CHL1: variants seen among roughly 807,000 people sequenced by gnomAD.
CHL1 encodes neural cell adhesion molecule L1-like protein.
In CHL1, 96 loss-of-function variants were observed where a neutral mutation model predicts 141.9. The observed-to-expected ratio is 0.68, with a 90% CI of 0.57 to 0.80. The LOEUF (loss-of-function observed/expected upper bound fraction) is 0.80, where lower values mean the gene tolerates loss of function less well. Among genes scored for constraint, CHL1 ranks in the 30% least tolerant of loss-of-function variants. The pLI is 0.00. For missense variants in CHL1, 1,820 were observed against 1,457.2 expected, an observed-to-expected ratio of 1.25 and a Z score of -4.05; for synonymous variants, 613 against 502.2, an observed-to-expected ratio of 1.22 and a Z score of -2.95.
At chr3:256,466 G>C (rs1472040781) in intron 2 of CHL1, among the ~76,000 whole-genome samples, 1 of 152,092 alleles carries the variant, frequency 6.6e-6, no homozygotes, top group Non-Finnish European at 1.5e-5. Flanking sequence ...TTAGAGTAGT[G>C]GTTTTCAACC....
chr3:323,894 A>T (rs1700797520), intron 3 of CHL1, among the ~76,000 whole-genome samples: 1 of 152,130 alleles, frequency 6.6e-6, no homozygotes, highest in African/African-American at 2.4e-5. Context: ...AATTACAGAG[A>T]TTTGCAATCA....
intron 10 of CHL1, among the ~76,000 whole-genome samples, chr3:350,644 C>T (rs1002468972): frequency 3.3e-5 from 5 of 151,756 alleles, no homozygotes; most frequent in African/African-American, 1.2e-4. Flanking sequence ...ATTCTCCTCC[C>T]AAGTAAATGT....
chr3:329,780 C>A (rs1448150556), intron 5 of CHL1, among the ~76,000 whole-genome samples: 4 of 151,940 alleles, frequency 2.6e-5, no homozygotes, highest in Admixed American at 2.6e-4. Context: ...CAGACAAATG[C>A]TTTCCAAATG....
intron 16 of CHL1, among the ~76,000 whole-genome samples, chr3:381,328 G>C (rs1016424580): frequency 6.6e-6 from 1 of 152,068 alleles, no homozygotes; most frequent in African/African-American, 2.4e-5. Flanking sequence ...AACCAAACTG[G>C]GGTCCACCAA....
At chr3:355,598 C>T (rs1703641645) in intron 11 of CHL1, among the ~76,000 whole-genome samples, 1 of 152,158 alleles carries the variant, frequency 6.6e-6, no homozygotes. Flanking sequence ...TGTCCTTTTG[C>T]TCTGGGGCCT....
chr3:338,036 TG>T (rs1398544776), intron 5 of CHL1, among the ~76,000 whole-genome samples: 2 of 152,154 alleles, frequency 1.3e-5, no homozygotes, highest in South Asian at 2.1e-4. Flanking sequence ...CACCTTTTTT[TG>T]GCATTTTTAG....
At chr3:276,911 A>G (rs1000082065) in intron 2 of CHL1, among the ~76,000 whole-genome samples, 5 of 150,460 alleles carry the variant, frequency 3.3e-5, no homozygotes, top group African/African-American at 1.2e-4. Context: ...AAAAAAAAAA[A>G]AAAAAGAGTA....
rs11918279 is a variant in CHL1, at chr3:286,958, G to A, written c.-94-32725G>A. On this transcript the variant is annotated intron_variant, in intron 2 of 27. Transcript: ENST00000256509. ...TTTCATTACCATTTTGGTTTTGGTG[G>A]GATTTGGCCAGCTTCTTCACCGCCA... 6.1e-3 allele frequency among the ~76,000 whole-genome samples: 928 copies of A among 152,136 alleles called. 19 individuals are homozygous for A. Among genetic ancestry groups the A allele is most frequent in the African/African-American group, 0.021 (860 of 41,492 alleles).
rs562824756 is a variant in CHL1, at chr3:345,963, C to T, written c.848+1254C>T. 7.9e-5 allele frequency among the ~76,000 whole-genome samples: 12 copies of T among 152,272 alleles called. No homozygotes were observed. The East Asian group carries it at 2.3e-3, about 29-fold the overall frequency. The stretch of plus-strand genomic sequence containing the variant: ...TATCCTTCCGAACTTACGGTCCTTC[C>T]CTACCATTGAGGATACCTTGGGAAA... On this transcript the variant is annotated intron_variant, in intron 9 of 27. Coordinates refer to ENST00000256509, the MANE Select transcript of CHL1 (RefSeq NM_006614.4).
At chr3:375,411 A>G (rs1706188510) in intron 15 of CHL1, among the ~76,000 whole-genome samples, 1 of 151,910 alleles carries the variant, frequency 6.6e-6, no homozygotes, top group South Asian at 2.1e-4. Context: ...TTTCCTTGGC[A>G]CCAAATAGGA....
At chr3:273,957 G>A (rs1695864146) in intron 2 of CHL1, among the ~76,000 whole-genome samples, 1 of 152,064 alleles carries the variant, frequency 6.6e-6, no homozygotes. Flanking sequence ...TTCTTTTTGG[G>A]TAAAGATCAG....
In CHL1 at chr3:245,344, C is replaced by T. The variant is rs904815034; in HGVS notation, c.-95+652C>T. Among the ~76,000 whole-genome samples, 10 of 152,112 alleles carry T rather than the reference C, an allele frequency of 6.6e-5. 1 individual carries two copies. Among genetic ancestry groups the T allele is most frequent in the Non-Finnish European group, 1.5e-4 (10 of 67,998 alleles). On this transcript the variant is annotated intron_variant, in intron 2 of 27. Coordinates refer to ENST00000256509, the MANE Select transcript of CHL1 (RefSeq NM_006614.4). Reference sequence around the variant, plus strand: ...GTAAGCTGTTTAGCTATTTTGATGACCCATTTTGTAAATCATAAAACTGGA... The same window carrying T: ...GTAAGCTGTTTAGCTATTTTGATGATCCATTTTGTAAATCATAAAACTGGA...
At chr3:351,018 C>T (rs369285964) in intron 10 of CHL1, among the ~76,000 whole-genome samples, 7 of 152,270 alleles carry the variant, frequency 4.6e-5, no homozygotes, top group East Asian at 3.9e-4. Flanking sequence ...CACACACCCA[C>T]GAACCAGACA....
intron 1 of CHL1, among the ~76,000 whole-genome samples, chr3:237,327 C>T (rs1692091505): frequency 6.6e-6 from 1 of 152,182 alleles, no homozygotes; most frequent in South Asian, 2.1e-4. Flanking sequence ...CACCTTCTGC[C>T]ATGATTGTAA....
rs1708173233 is a variant in CHL1 at position 390,935 on chromosome 3, G to T, written c.2587-20G>T. On this transcript the variant is annotated intron_variant, in intron 21 of 27. Coordinates refer to ENST00000256509, the MANE Select transcript of CHL1 (RefSeq NM_006614.4). Reference sequence around the variant, plus strand: ...TGCGACCACAATGGATATACTAAAAGATTTTGGTTTTCATTGCAGATAAAT... The same window carrying T: ...TGCGACCACAATGGATATACTAAAATATTTTGGTTTTCATTGCAGATAAAT... The T allele has an allele frequency of 1.9e-6, 3 of 1,606,256 alleles. No homozygotes were observed. The South Asian group carries it at 3.3e-5, about 18-fold the overall frequency.
At chr3:337,177 A>G (rs1275220410) in intron 5 of CHL1, among the ~76,000 whole-genome samples, 1 of 138,686 alleles carries the variant, frequency 7.2e-6, no homozygotes, top group Non-Finnish European at 1.5e-5. Flanking sequence ...ATTTCCAAAC[A>G]TTCTTTTGTT....
Position 333,124 on chromosome 3 carries a change from A to AT in CHL1, c.385+4778dup, listed in dbSNP as rs879790982. On this transcript the variant is annotated intron_variant, in intron 5 of 27. Transcript: ENST00000256509. Reference sequence around the variant, plus strand: ...AGCTACGTTGTTGGATAATTGCTCTATTTTTTTTATTTTTTTTTTTTGCTG... The same window carrying AT: ...AGCTACGTTGTTGGATAATTGCTCTATTTTTTTTTATTTTTTTTTTTTGCTG... Among the ~76,000 whole-genome samples, 228 of 83,338 alleles carry AT rather than the reference A, an allele frequency of 2.7e-3. 46 individuals are homozygous for AT. The East Asian group carries it at 0.029, about 11-fold the overall frequency. The allele number at this position is 83,338 out of a possible 152,430, so 54.7% of individuals were successfully genotyped here.
At chr3:399,921 A>C (rs189059893) in intron 26 of CHL1, among the ~76,000 whole-genome samples, 116 of 152,318 alleles carry the variant, frequency 7.6e-4, no homozygotes, top group African/African-American at 2.7e-3. Flanking sequence ...TTACCATGGC[A>C]TGTAGTAGAC....
intron 3 of CHL1, 26 bp from the exon 4 acceptor site, chr3:325,933 T>C (rs1559257935): frequency 1.3e-6 from 2 of 1,523,744 alleles, no homozygotes; most frequent in South Asian, 2.3e-5. Flanking sequence ...AATAGTGTGT[T>C]TTTAAGTACA....
Sources: allele counts gnomAD v4.1 joint callset (sites outside exome capture counted in the v4.1 genomes callset), GRCh38; gene constraint gnomAD v4.1.1; transcripts MANE v1.5; gene names NCBI Gene and HGNC (gene_info 2026-07-23, HGNC 2026-07-21).